SLC35D1: variants seen among roughly 807,000 people sequenced by gnomAD.
The protein encoded by SLC35D1 is solute carrier family 35 member D1.
In SLC35D1, 31 loss-of-function variants were observed where a neutral mutation model predicts 46.7. The ratio of observed to expected loss-of-function variants is 0.66; its 90% CI spans 0.50 to 0.90. The LOEUF (loss-of-function observed/expected upper bound fraction) is 0.90. SLC35D1 is among the 40% of genes least tolerant of loss of function. The pLI is 0.00. For synonymous variants in SLC35D1, 195 were observed against 164.6 expected, an observed-to-expected ratio of 1.18 and a Z score of -1.41; for missense variants, 397 against 426.2, an observed-to-expected ratio of 0.93 and a Z score of 0.60.
At chr1:66,984,485 A>G in the SLC35D1 span, 2 of 979,464 alleles carry the variant, frequency 2.0e-6, no homozygotes, top group Non-Finnish European at 3.0e-6. Context: ...TGCTTCCTTG[A>G]TAACAATAAC....
At chr1:67,037,210 A>C (rs1380760999) in intron 8 of SLC35D1, among the ~76,000 whole-genome samples, 6 of 152,076 alleles carry the variant, frequency 3.9e-5, no homozygotes, top group Non-Finnish European at 7.4e-5. Context: ...TTTATATGTA[A>C]AATAAGAGTA....
chr1:67,053,780 G>A, intron 1 of SLC35D1, 31 bp downstream of exon 1: 3 of 1,522,622 alleles, frequency 2.0e-6, no homozygotes, highest in South Asian at 2.5e-5. Context: ...CTCCTCCTCC[G>A]CGGCCTGGGC....
the SLC35D1 span, among the ~76,000 whole-genome samples, chr1:66,981,535 T>C: frequency 6.6e-6 from 1 of 152,218 alleles, no homozygotes; most frequent in Non-Finnish European, 1.5e-5. Flanking sequence ...TTACAAGCTT[T>C]AAAATTTCCT....
chr1:67,017,155 C>A (rs919780460), intron 10 of SLC35D1, among the ~76,000 whole-genome samples: 1 of 152,042 alleles, frequency 6.6e-6, no homozygotes, highest in African/African-American at 2.4e-5. Context: ...TATGGCCAAT[C>A]GCTATTCTTA....
chr1:67,023,908 A>G (rs1199840160), intron 8 of SLC35D1, among the ~76,000 whole-genome samples: 1 of 151,932 alleles, frequency 6.6e-6, no homozygotes, highest in East Asian at 1.9e-4. Flanking sequence ...TACATAAAAT[A>G]CAAATATTTT....
At chr1:66,994,550 A>C (rs1002155811), downstream of SLC35D1, among the ~76,000 whole-genome samples, 2 of 152,110 alleles carry the variant, frequency 1.3e-5, no homozygotes, top group African/African-American at 4.8e-5. Flanking sequence ...AGGCTGAGGC[A>C]AGAGAATCAC....
At chr1:66,973,158 C>T in the SLC35D1 span, among the ~76,000 whole-genome samples, 9 of 152,006 alleles carry the variant, frequency 5.9e-5, no homozygotes, top group South Asian at 6.2e-4. Context: ...TACTTCCTAA[C>T]CTATAATTAC....
chr1:67,043,206 A>AT (rs1645213874), intron 7 of SLC35D1, among the ~76,000 whole-genome samples: 1 of 150,518 alleles, frequency 6.6e-6, no homozygotes, highest in Non-Finnish European at 1.5e-5. Flanking sequence ...AAAAAAAAAA[A>AT]CAAAAAAACC....
chr1:66,993,993 T>A, the SLC35D1 span, among the ~76,000 whole-genome samples: 1 of 152,210 alleles, frequency 6.6e-6, no homozygotes, highest in African/African-American at 2.4e-5. Flanking sequence ...GTGAAAATAA[T>A]TGGATCAAAA....
rs186966127 is a variant in SLC35D1 at position 67,028,297 on chromosome 1, G to A, written c.730-6695C>T. Among the ~76,000 whole-genome samples the A allele has an allele frequency of 5.9e-3, 903 of 152,278 alleles. 7 individuals are homozygous for A. The highest frequency in any genetic ancestry group is 0.02 in the African/African-American group (842 of 41,574). ...TATATACCCAATGTGCACTTGAAAA[G>A]AATGTGTACGCTGCTGTTGTTGAGT... On this transcript the variant is annotated intron_variant, in intron 8 of 11. Transcript: ENST00000235345.
chr1:67,006,142 G>A (rs1008640464), intron 11 of SLC35D1, among the ~76,000 whole-genome samples: 26 of 152,028 alleles, frequency 1.7e-4, no homozygotes, highest in African/African-American at 2.7e-4. Flanking sequence ...GAGCCACCGC[G>A]CCTAGCATGA....
the SLC35D1 span, among the ~76,000 whole-genome samples, chr1:66,979,181 G>A: frequency 6.6e-6 from 1 of 151,854 alleles, no homozygotes; most frequent in Non-Finnish European, 1.5e-5. Context: ...TATGTCTTCT[G>A]TAAGAAGCAG....
chr1:67,006,384 C>T (rs1256388047), intron 11 of SLC35D1, among the ~76,000 whole-genome samples: 1 of 152,138 alleles, frequency 6.6e-6, no homozygotes, highest in Non-Finnish European at 1.5e-5. Flanking sequence ...TGTACGTCCA[C>T]CCACATGACA....
At chr1:66,974,099 A>AT in the SLC35D1 span, among the ~76,000 whole-genome samples, 200 of 148,556 alleles carry the variant, frequency 1.3e-3, 1 homozygote, top group Admixed American at 3.4e-3. Flanking sequence ...TATTTTTATT[A>AT]TTTTTTTTTT....
the SLC35D1 span, chr1:66,988,015 CTTG>C: frequency 6.6e-6 from 1 of 152,206 alleles, no homozygotes; most frequent in Non-Finnish European, 1.5e-5. Flanking sequence ...CAAAATAAAA[CTTG>C]TTTTGTCACA....
chr1:67,042,333 G>A lies in SLC35D1; in HGVS notation c.637-5C>T, dbSNP rs950271349. 6.2e-7 allele frequency: 1 copy of A among 1,613,522 alleles called. No individual in the cohort carries two copies. The highest frequency in any genetic ancestry group is 8.5e-7 in the Non-Finnish European group (1 of 1,179,472). The stretch of plus-strand genomic sequence containing the variant: ...CAGTCCATATTTTCCCAGCTCCTAG[G>A]ACAGTAAATAATTAGGTGTTTCATC... On this transcript the variant is annotated splice_region_variant and splice_polypyrimidine_tract_variant and intron_variant, in intron 7 of 11. Coordinates refer to ENST00000235345, the MANE Select transcript of SLC35D1 (RefSeq NM_015139.3).
chr1:67,018,257 G>C (rs922550180), intron 10 of SLC35D1, among the ~76,000 whole-genome samples: 1 of 152,106 alleles, frequency 6.6e-6, no homozygotes, highest in Non-Finnish European at 1.5e-5. Flanking sequence ...GTAACAACAA[G>C]GCTAGCAGGC....
At chr1:66,987,464 A>G in the SLC35D1 span, 1 of 152,698 alleles carries the variant, frequency 6.5e-6, no homozygotes, top group African/African-American at 2.4e-5. Flanking sequence ...GTATTTTCAA[A>G]TAGAGTTCAG....
intron 8 of SLC35D1, among the ~76,000 whole-genome samples, chr1:67,025,033 C>A (rs1032272881): frequency 1.3e-5 from 2 of 152,276 alleles, no homozygotes; most frequent in East Asian, 3.9e-4. Flanking sequence ...TAGGTGTGAG[C>A]CACCCTGCTG....
Sources: allele counts gnomAD v4.1 joint callset (sites outside exome capture counted in the v4.1 genomes callset), GRCh38; gene constraint gnomAD v4.1.1; transcripts MANE v1.5; gene names NCBI Gene and HGNC (gene_info 2026-07-23, HGNC 2026-07-21).